Variants in ZNF621 observed in about 807,000 individuals in gnomAD.
ZNF621 encodes zinc finger protein 621.
Under a neutral mutation model 12.7 loss-of-function variants are expected in ZNF621, and 6 were observed. The ratio of observed to expected loss-of-function variants is 0.47; its 90% CI spans 0.26 to 0.93. The LOEUF (loss-of-function observed/expected upper bound fraction) is 0.93, where lower values mean the gene tolerates loss of function less well. Among genes scored for constraint, ZNF621 ranks in the 40% least tolerant of loss-of-function variants. The probability of loss-of-function intolerance (pLI) is 0.15; values close to 1 mark genes in which losing one functional copy is unlikely to be tolerated. For missense variants in ZNF621, 474 were observed against 524.0 expected (o/e 0.90, Z 0.93); for synonymous variants, 156 against 190.3 (o/e 0.82, Z 1.48).
chr3:40,530,434 C>G, intron 4 of ZNF621, 118 bp downstream of exon 4: 1 of 781,334 alleles, frequency 1.3e-6, no homozygotes, highest in Non-Finnish European at 2.0e-6. Context: ...TCGATACTCA[C>G]TGTACTCTCT....
In ZNF621 at chr3:40,532,790, G is replaced by T. The variant is rs767940206; in HGVS notation, c.1020G>T (p.Leu340Phe). Residue 340 changes from leucine (L) to phenylalanine (F), a missense_variant, in exon 5 of 5, where the codon TTG (leucine) becomes TTT (phenylalanine). Leu to Phe is a conservative substitution (Grantham distance 22, BLOSUM62 0). Transcript: ENST00000339296. ...GAAGTTTTGTTCAGCATCAGAAATT[G>T]CACCCTGTGGAGAAGAAGCCAGTCA... ...WYGSFVQHQKLHPVEKKPVKV... is the reference protein window; with the variant it reads ...WYGSFVQHQKFHPVEKKPVKV... 1.2e-6 allele frequency: 2 copies of T among 1,614,174 alleles called. No homozygotes were observed. Among genetic ancestry groups the T allele is most frequent in the Admixed American group, 3.3e-5 (2 of 60,026 alleles).
At position 40,537,501 on chromosome 3, in the gene ZNF621, G is replaced by A. The variant is rs933336748; in HGVS notation, c.*4411G>A. ...GCCTGTAGTCCGATCTACTTGGGAG[G>A]CTGAAGTGAGAGGATCCCTTTAGCC... is the stretch of plus-strand genomic sequence containing the variant. On this transcript the variant is annotated 3_prime_UTR_variant, in exon 5 of 5. Coordinates refer to ENST00000339296, the MANE Select transcript of ZNF621 (RefSeq NM_198484.5). The A allele has an allele frequency of 1.3e-5, 2 of 152,358 alleles. No homozygotes were observed. The highest frequency in any genetic ancestry group is 4.8e-5 in the African/African-American group (2 of 41,460). The allele number at this position is 152,358 out of a possible 1,614,324, so 9.4% of individuals were successfully genotyped here.
In ZNF621 at chr3:40,539,605, C is replaced by T. The variant is rs920429164; in HGVS notation, c.*6515C>T. Reference sequence around the variant, plus strand: ...TTGTCTGGAAGCAAACCTGCAATATCTCCAAGATATGCCTGTATTTTTCAA... The same window carrying T: ...TTGTCTGGAAGCAAACCTGCAATATTTCCAAGATATGCCTGTATTTTTCAA... On this transcript the variant is annotated 3_prime_UTR_variant, in exon 5 of 5. Coordinates refer to ENST00000339296, the MANE Select transcript of ZNF621 (RefSeq NM_198484.5). The T allele has an allele frequency of 6.6e-6, 1 of 152,160 alleles. No individual in the cohort carries two copies. 9.4% of individuals were successfully genotyped at this position (152,160 alleles called of 1,614,324 possible).
upstream of ZNF621, among the ~76,000 whole-genome samples, chr3:40,524,477 T>C (rs1698528683): frequency 6.6e-6 from 1 of 152,192 alleles, no homozygotes; most frequent in African/African-American, 2.4e-5. Context: ...CACATCTAGG[T>C]CCTTGGAAGG....
rs1698541006 is a variant in ZNF621 at position 40,524,996 on chromosome 3, G to T, written c.-341G>T. The T allele has an allele frequency of 6.6e-6, 1 of 152,292 alleles. No homozygotes were observed. The highest frequency in any genetic ancestry group is 1.5e-5 in the Non-Finnish European group (1 of 68,104). The allele number at this position is 152,292 out of a possible 1,614,324, so 9.4% of individuals were successfully genotyped here. A position where few individuals can be genotyped will look rare whatever the true frequency, so the allele number is the denominator to read the frequency against. ...GCCTTTAGTTAGTGACCAGCTCCTCGGCGTTCTGCAGAGCGTGGGTTTCAG... is the reference window on the plus strand; with the variant it reads ...GCCTTTAGTTAGTGACCAGCTCCTCTGCGTTCTGCAGAGCGTGGGTTTCAG... On this transcript the variant is annotated 5_prime_UTR_variant, in exon 1 of 5. Coordinates refer to ENST00000339296, the MANE Select transcript of ZNF621 (RefSeq NM_198484.5).
chr3:40,528,654 C>T (rs1478217740), intron 2 of ZNF621, among the ~76,000 whole-genome samples: 1 of 152,186 alleles, frequency 6.6e-6, no homozygotes, highest in Non-Finnish European at 1.5e-5. Context: ...CACATCCTGG[C>T]CAGCATTTGG....
rs185912718 is a variant in ZNF621 at position 40,533,200 on chromosome 3, G to T, written c.*110G>T. On this transcript the variant is annotated 3_prime_UTR_variant, in exon 5 of 5. Coordinates refer to ENST00000339296, the MANE Select transcript of ZNF621 (RefSeq NM_198484.5). Reference sequence around the variant, plus strand: ...CTGTCACCCAGGCTAGAGTGCGGTGGTGTGATCTTGGCTCACTGCAACCTC... The same window carrying T: ...CTGTCACCCAGGCTAGAGTGCGGTGTTGTGATCTTGGCTCACTGCAACCTC... The T allele has an allele frequency of 5.7e-5, 83 of 1,452,038 alleles. No individual in the cohort carries two copies. The African/African-American group carries it at 9.0e-4, about 16-fold the overall frequency. 89.9% of individuals were successfully genotyped at this position (1,452,038 alleles called of 1,614,324 possible).
rs774464577 is a variant in ZNF621 at position 40,525,884 on chromosome 3, G to GT, written c.24+27dup. The GT allele has an allele frequency of 2.9e-5, 47 of 1,611,462 alleles. No homozygotes were observed. The highest frequency in any genetic ancestry group is 3.8e-5 in the Non-Finnish European group (45 of 1,179,522). On this transcript the variant is annotated intron_variant, in intron 2 of 4. Coordinates refer to ENST00000339296, the MANE Select transcript of ZNF621 (RefSeq NM_198484.5). ...CCTCAGGTGAGCTGAGCTTCTTTCA[G>GT]TTTTTTTGTTTGTTTGTTTATGTTT...
intron 4 of ZNF621, among the ~76,000 whole-genome samples, chr3:40,530,973 G>A (rs1293060681): frequency 6.6e-6 from 1 of 152,130 alleles, no homozygotes; most frequent in East Asian, 1.9e-4. Context: ...AGTCCTGGAA[G>A]GTTTTGTTTA....
chr3:40,538,944 C>T lies in ZNF621; in HGVS notation c.*5854C>T, dbSNP rs1203014808. 6.6e-6 allele frequency: 1 copy of T among 152,552 alleles called. No homozygotes were observed. The highest frequency in any genetic ancestry group is 2.4e-5 in the African/African-American group (1 of 41,424). 9.4% of individuals were successfully genotyped at this position (152,552 alleles called of 1,614,324 possible). ...TGGTGGAAATAGCAAGATAACTAGA[C>T]TTAGAAGTGGAACCTGCATATGTGA... On this transcript the variant is annotated 3_prime_UTR_variant, in exon 5 of 5. Transcript: ENST00000339296.
At position 40,525,223 on chromosome 3, in the gene ZNF621, C is replaced by G. The variant is rs1393677564; in HGVS notation, c.-114C>G. ...GTGTCCAGCCCTTTGCCACCGAGGC[C>G]TGATCCTCTTTTCTGCCCTAAAGAA... On this transcript the variant is annotated 5_prime_UTR_variant, in exon 1 of 5. Transcript: ENST00000339296. 6.5e-6 allele frequency: 1 copy of G among 153,502 alleles called. No individual in the cohort carries two copies. The highest frequency in any genetic ancestry group is 2.4e-5 in the African/African-American group (1 of 41,476). The allele number at this position is 153,502 out of a possible 1,614,324, so 9.5% of individuals were successfully genotyped here. A position where few individuals can be genotyped will look rare whatever the true frequency, so the allele number is the denominator to read the frequency against.
At chr3:40,524,406 C>G (rs1457958492), upstream of ZNF621, among the ~76,000 whole-genome samples, 1 of 152,212 alleles carries the variant, frequency 6.6e-6, no homozygotes, top group Non-Finnish European at 1.5e-5. Context: ...GGATGCCTAG[C>G]AACTGTATGT....
At chr3:40,524,451 C>T (rs1014253388), upstream of ZNF621, among the ~76,000 whole-genome samples, 6 of 152,302 alleles carry the variant, frequency 3.9e-5, no homozygotes, top group African/African-American at 1.4e-4. Context: ...ATGAATCTGT[C>T]CTAAAAGGTT....
At position 40,528,460 on chromosome 3, in the gene ZNF621, G is replaced by T. The variant is rs952632904; in HGVS notation, c.25-859G>T. ...AATAAAAGCCCCTGTAAATGTCCAT[G>T]TACAGGTTTTTATGTGGACATAAGT... On this transcript the variant is annotated intron_variant, in intron 2 of 4. Coordinates refer to ENST00000339296, the MANE Select transcript of ZNF621 (RefSeq NM_198484.5). Among the ~76,000 whole-genome samples, 5 of 152,190 alleles carry T rather than the reference G, an allele frequency of 3.3e-5. No homozygotes were observed. In the South Asian group the frequency reaches 1.0e-3, roughly 32 times the overall value.
In ZNF621 at chr3:40,534,914, A is replaced by T. The variant is rs1274406545; in HGVS notation, c.*1824A>T. 1.3e-5 allele frequency: 2 copies of T among 152,226 alleles called. No homozygotes were observed. The highest frequency in any genetic ancestry group is 4.8e-5 in the African/African-American group (2 of 41,454). The allele number at this position is 152,226 out of a possible 1,614,324, so 9.4% of individuals were successfully genotyped here. ...ATTACCAGGCTGAACTGTCACTTTA[A>T]ATTCATGACCAGTAACTTCATGGAG... is the stretch of plus-strand genomic sequence containing the variant. On this transcript the variant is annotated 3_prime_UTR_variant, in exon 5 of 5. Coordinates refer to ENST00000339296, the MANE Select transcript of ZNF621 (RefSeq NM_198484.5).
At chr3:40,528,097 T>C (rs969802512) in intron 2 of ZNF621, among the ~76,000 whole-genome samples, 1 of 152,212 alleles carries the variant, frequency 6.6e-6, no homozygotes. Flanking sequence ...ATAAGCAGAA[T>C]AGTTTCACTG....
chr3:40,526,567 A>G (rs774412235), intron 2 of ZNF621, among the ~76,000 whole-genome samples: 5 of 152,208 alleles, frequency 3.3e-5, no homozygotes, highest in Non-Finnish European at 7.3e-5. Context: ...CATTTTCTAA[A>G]TGCTAGATGC....
Position 40,531,599 on chromosome 3 carries a change from G to A in ZNF621, c.260-431G>A, listed in dbSNP as rs73082107. On this transcript the variant is annotated intron_variant, in intron 4 of 4. Transcript: ENST00000339296. Reference sequence around the variant, plus strand: ...TTTTTTTAAGACAGGGTCTAGCTCCGCTGCCCAGGCTGAAGTGCAGTGGCA... The same window carrying A: ...TTTTTTTAAGACAGGGTCTAGCTCCACTGCCCAGGCTGAAGTGCAGTGGCA... Among the ~76,000 whole-genome samples, 497 of 152,040 alleles carry A rather than the reference G, an allele frequency of 3.3e-3. 2 individuals are homozygous for A. The highest frequency in any genetic ancestry group is 0.012 in the South Asian group (57 of 4,812).
Position 40,537,717 on chromosome 3 carries a change from G to T in ZNF621, c.*4627G>T. The T allele has an allele frequency of 6.1e-6, 1 of 165,032 alleles. No homozygotes were observed. Among genetic ancestry groups the T allele is most frequent in the South Asian group, 1.7e-4 (1 of 5,756 alleles). The allele number at this position is 165,032 out of a possible 1,614,324, so 10.2% of individuals were successfully genotyped here. On this transcript the variant is annotated 3_prime_UTR_variant, in exon 5 of 5. Transcript: ENST00000339296. ...AGCAAGGCCATAACTGCCATTGTATGAAGGCTGAGAGAAGTGAGGAAGCTG... is the reference window on the plus strand; with the variant it reads ...AGCAAGGCCATAACTGCCATTGTATTAAGGCTGAGAGAAGTGAGGAAGCTG...
Sources: allele counts gnomAD v4.1 joint callset (sites outside exome capture counted in the v4.1 genomes callset), GRCh38; gene constraint gnomAD v4.1.1; transcripts MANE v1.5; gene names NCBI Gene and HGNC (gene_info 2026-07-23, HGNC 2026-07-21).